CNOT1: variants seen among roughly 807,000 people sequenced by gnomAD.
CNOT1 encodes CCR4-NOT transcription complex subunit 1.
A neutral mutation model predicts 273.8 loss-of-function variants in CNOT1; 15 were observed. That is an observed-to-expected ratio of 0.05 (90% CI 0.04 to 0.08). The LOEUF (loss-of-function observed/expected upper bound fraction) is 0.08, where lower values mean the gene tolerates loss of function less well. Ranked by LOEUF, CNOT1 falls within the 10% of genes least tolerant of loss-of-function variation. The pLI, the probability that CNOT1 is intolerant of heterozygous loss-of-function variation, is 1.00. For synonymous variants in CNOT1, 1,022 were observed against 1,005.5 expected (o/e 1.02, Z -0.31); for missense variants, 1,644 against 2,912.2 (o/e 0.56, Z 10.02).
chr16:58,555,132 C>T (rs763136795), intron 21 of CNOT1, 119 bp downstream of exon 21: 161 of 1,426,078 alleles, frequency 1.1e-4, no homozygotes, highest in Middle Eastern at 1.9e-4. Context: ...CACTTGAGCC[C>T]GCAAGGTCAA....
Position 58,538,808 on chromosome 16 carries a change from G to C in CNOT1, c.5099C>G (p.Ala1700Gly). 6.2e-7 allele frequency: 1 copy of C among 1,612,694 alleles called. No individual in the cohort carries two copies. The highest frequency in any genetic ancestry group is 8.5e-7 in the Non-Finnish European group (1 of 1,179,846). Residue 1700 changes from alanine (A) to glycine (G), a missense_variant, in exon 36 of 49, where the codon GCA (alanine) becomes GGA (glycine). By Grantham distance (60) the Ala-to-Gly change is moderately conservative. This residue lies in a region of CNOT1 where 170 missense variants were observed against 273.1 expected (regional missense o/e 0.62). Transcript: ENST00000317147. ...LVLKALQDGR[A>G]YGSPWCNKQI... ...TTTGTTGCACCATGGAGACCCATATGCCCGGCCATCCTGCAGAGCTTTTAG... is the reference window on the plus strand; with the variant it reads ...TTTGTTGCACCATGGAGACCCATATCCCCGGCCATCCTGCAGAGCTTTTAG...
At chr16:58,536,394 G>A (rs964189270) in intron 39 of CNOT1, among the ~76,000 whole-genome samples, 16 of 152,058 alleles carry the variant, frequency 1.1e-4, no homozygotes, top group African/African-American at 1.7e-4. Context: ...ACTATGGCTC[G>A]GTTCCGACAT....
chr16:58,626,715 G>C lies in CNOT1; in HGVS notation c.-175+3013C>G, dbSNP rs533081909. 2.0e-5 allele frequency among the ~76,000 whole-genome samples: 3 copies of C among 147,532 alleles called. No individual in the cohort carries two copies. In the South Asian group the frequency reaches 6.4e-4, roughly 32 times the overall value. On this transcript the variant is annotated intron_variant, in intron 1 of 48. Coordinates refer to ENST00000317147, the MANE Select transcript of CNOT1 (RefSeq NM_016284.5). The stretch of plus-strand genomic sequence containing the variant: ...GCGGAGGTTGTAGTGAGCTGAGATC[G>C]CACCACTGCATTCCAGCCTGGGCAA...
At chr16:58,618,036 C>T (rs1236531878) in intron 1 of CNOT1, among the ~76,000 whole-genome samples, 1 of 152,162 alleles carries the variant, frequency 6.6e-6, no homozygotes, top group African/African-American at 2.4e-5. Context: ...TGACTTTCCA[C>T]ATTAACACAA....
chr16:58,551,868 G>A (rs1295423020), intron 22 of CNOT1, 49 bp from the exon 23 acceptor site: 2 of 1,600,656 alleles, frequency 1.2e-6, no homozygotes, highest in Admixed American at 1.7e-5. Context: ...TGCTAAGTCT[G>A]GATTATACGT....
At position 58,559,060 on chromosome 16, in the gene CNOT1, T is replaced by C. The variant is rs995934795; in HGVS notation, c.2131-386A>G. Among the ~76,000 whole-genome samples, 8 of 152,246 alleles carry C rather than the reference T, an allele frequency of 5.3e-5. 1 individual carries two copies. The highest frequency in any genetic ancestry group is 1.9e-4 in the African/African-American group (8 of 41,466). ...TTCACTTGTTTCACATATACCTATATACACATAACCAGAATGTAATTTTAT... is the reference window on the plus strand; with the variant it reads ...TTCACTTGTTTCACATATACCTATACACACATAACCAGAATGTAATTTTAT... On this transcript the variant is annotated intron_variant, in intron 17 of 48. Transcript: ENST00000317147.
rs753555351 is a variant in CNOT1 at position 58,534,306 on chromosome 16, A to T, written c.5736T>A (p.Arg1912=). The change falls in exon 40 of 49, where the codon CGT becomes CGA. Residue 1912 remains arginine, a synonymous_variant. Transcript: ENST00000317147. Reference sequence around the variant, plus strand: ...GATTGTGCTGCTGCTCAGCCTGAGCACGGTAACTGATTTCAACACACATTT... The same window carrying T: ...GATTGTGCTGCTGCTCAGCCTGAGCTCGGTAACTGATTTCAACACACATTT... ...CTEMCVEISY[R]AQAEQQHNPA... The T allele has an allele frequency of 3.7e-6, 6 of 1,614,066 alleles. No homozygotes were observed. The African/African-American group carries it at 8.0e-5, about 22-fold the overall frequency.
chr16:58,610,979 G>T lies in CNOT1; in HGVS notation c.-174-11468C>A, dbSNP rs544914703. On this transcript the variant is annotated intron_variant, in intron 1 of 48. Coordinates refer to ENST00000317147, the MANE Select transcript of CNOT1 (RefSeq NM_016284.5). ...TTAAACCCAGGAGGTGGAGGTTGCAGTGAGCCGAGAGCACACCACTGCGCT... is the reference window on the plus strand; with the variant it reads ...TTAAACCCAGGAGGTGGAGGTTGCATTGAGCCGAGAGCACACCACTGCGCT... 3.3e-4 allele frequency among the ~76,000 whole-genome samples: 50 copies of T among 152,262 alleles called. 1 individual carries two copies. The highest frequency in any genetic ancestry group is 3.4e-3 in the Middle Eastern group (1 of 294).
At chr16:58,523,593 G>A (rs2039482117) in intron 46 of CNOT1, 91 bp from the exon 47 acceptor site, 2 of 1,199,022 alleles carry the variant, frequency 1.7e-6, no homozygotes, top group Non-Finnish European at 2.3e-6. Flanking sequence ...GTTTCTGACA[G>A]AGGCTTTCAA....
intron 1 of CNOT1, among the ~76,000 whole-genome samples, chr16:58,607,704 G>T (rs141432428): frequency 3.9e-5 from 3 of 76,264 alleles, no homozygotes; most frequent in Non-Finnish European, 7.8e-5. Context: ...TCCAGCCTGG[G>T]CAACAACAGC....
chr16:58,615,108 G>T (rs2043029180), intron 1 of CNOT1, among the ~76,000 whole-genome samples: 1 of 124,512 alleles, frequency 8.0e-6, no homozygotes, highest in African/African-American at 2.7e-5. Context: ...TCCCCAACAC[G>T]CTTGCCCAGC....
Position 58,574,776 on chromosome 16 carries a change from GTC to G in CNOT1, c.1828-18_1828-17del, listed in dbSNP as rs2041402395. On this transcript the variant is annotated splice_polypyrimidine_tract_variant and intron_variant, in intron 15 of 48. Transcript: ENST00000317147. ...TAAAAGGCTCCTGAAGAATAGAAAAGTCTCTCAGTGTATTTAAAATTGATCTT... is the reference window on the plus strand; with the variant it reads ...TAAAAGGCTCCTGAAGAATAGAAAAGTCTCAGTGTATTTAAAATTGATCTT... 1.3e-6 allele frequency: 2 copies of G among 1,585,582 alleles called. No homozygotes were observed. Among genetic ancestry groups the G allele is most frequent in the East Asian group, 4.5e-5 (2 of 44,760 alleles).
At chr16:58,529,345 C>T (rs959092478) in intron 43 of CNOT1, among the ~76,000 whole-genome samples, 1 of 152,140 alleles carries the variant, frequency 6.6e-6, no homozygotes, top group Non-Finnish European at 1.5e-5. Flanking sequence ...ACACCTCCCC[C>T]TTCCTTTAAG....
intron 38 of CNOT1, among the ~76,000 whole-genome samples, chr16:58,537,518 T>C (rs1289543482): frequency 3.3e-5 from 5 of 152,370 alleles, no homozygotes; most frequent in African/African-American, 1.2e-4. Context: ...GTACCATGCT[T>C]TCTTTACGTT....
intron 2 of CNOT1, chr16:58,597,609 T>C: frequency 2.6e-6 from 1 of 391,414 alleles, no homozygotes; most frequent in South Asian, 2.2e-5. Context: ...GTTTGGCACT[T>C]TGATCTGTAA....
At position 58,610,408 on chromosome 16, in the gene CNOT1, T is replaced by G. The variant is rs535441091; in HGVS notation, c.-174-10897A>C. Among the ~76,000 whole-genome samples, 8 of 147,872 alleles carry G rather than the reference T, an allele frequency of 5.4e-5. No homozygotes were observed. The East Asian group carries it at 1.7e-3, about 31-fold the overall frequency. On this transcript the variant is annotated intron_variant, in intron 1 of 48. Transcript: ENST00000317147. ...GCAACAGAGCAAGACTCTGCCTCAA[T>G]AAAGAAATAAATAGGCCAGGCGCGG... is the stretch of plus-strand genomic sequence containing the variant.
At chr16:58,550,974 A>G (rs894981678) in intron 24 of CNOT1, among the ~76,000 whole-genome samples, 158 bp downstream of exon 24, 10 of 152,226 alleles carry the variant, frequency 6.6e-5, no homozygotes, top group Non-Finnish European at 1.3e-4. Flanking sequence ...AAAAACTGGT[A>G]CTATTTAATG....
At chr16:58,595,441 A>C (rs886706232) in intron 2 of CNOT1, among the ~76,000 whole-genome samples, 8 of 130,498 alleles carry the variant, frequency 6.1e-5, no homozygotes, top group Middle Eastern at 4.0e-3. Context: ...AAAAAAAAAA[A>C]CTCCATCTAA....
chr16:58,520,089 G>A lies in CNOT1; in HGVS notation c.*869C>T, dbSNP rs1009967767. 1 of 152,198 alleles carries A rather than the reference G, an allele frequency of 6.6e-6. No homozygotes were observed. Among genetic ancestry groups the A allele is most frequent in the Non-Finnish European group, 1.5e-5 (1 of 68,044 alleles). The allele number at this position is 152,198 out of a possible 1,614,324, so 9.4% of individuals were successfully genotyped here. A position where few individuals can be genotyped will look rare whatever the true frequency, so the allele number is the denominator to read the frequency against. ...AAACATTCAAAATCCTTATAAAAGGGGCTGTATTGGTCCTTTCAACTTTGT... is the reference window on the plus strand; with the variant it reads ...AAACATTCAAAATCCTTATAAAAGGAGCTGTATTGGTCCTTTCAACTTTGT... On this transcript the variant is annotated 3_prime_UTR_variant, in exon 49 of 49. Coordinates refer to ENST00000317147, the MANE Select transcript of CNOT1 (RefSeq NM_016284.5).
Sources: allele counts gnomAD v4.1 joint callset (sites outside exome capture counted in the v4.1 genomes callset), GRCh38; gene constraint gnomAD v4.1.1; regional missense constraint gnomAD v4.1.1; transcripts MANE v1.5; gene names NCBI Gene and HGNC (gene_info 2026-07-23, HGNC 2026-07-21).